The following TRDN variants were observed in gnomAD, a reference collection of about 807,000 sequenced individuals.
The protein encoded by TRDN is triadin in skeletal muscle.
Under a neutral mutation model 149.7 loss-of-function variants are expected in TRDN, and 161 were observed. The ratio of observed to expected loss-of-function variants is 1.08; its 90% CI spans 0.95 to 1.23. TRDN has a LOEUF of 1.23. TRDN is among the 50% of genes most tolerant of loss of function. The pLI is 0.00. For missense variants in TRDN, 896 were observed against 823.5 expected (o/e 1.09, Z -1.08); for synonymous variants, 294 against 250.5 (o/e 1.17, Z -1.64).
chr6:123,445,642 C>T (rs12207239), intron 10 of TRDN, among the ~76,000 whole-genome samples: 8,880 of 78,832 alleles, frequency 0.11, 298 homozygotes, highest in South Asian at 0.2. Context: ...AAAATGCTCA[C>T]CATCACTGGC....
rs369530849 is a variant in TRDN at position 123,361,460 on chromosome 6, G to A, written c.1321+4675C>T. 1.6e-3 allele frequency among the ~76,000 whole-genome samples: 236 copies of A among 152,050 alleles called. 6 individuals are homozygous for A. The South Asian group carries it at 0.048, about 31-fold the overall frequency. The stretch of plus-strand genomic sequence containing the variant: ...TGGGTTCAGCAAACCACCATGGCAT[G>A]TGTATACCCATGTAACAAAACACGT... On this transcript the variant is annotated intron_variant, in intron 20 of 40. Transcript: ENST00000334268.
intron 1 of TRDN, among the ~76,000 whole-genome samples, chr6:123,587,658 A>G (rs915517485): frequency 1.3e-5 from 2 of 152,068 alleles, no homozygotes; most frequent in African/African-American, 4.8e-5. Context: ...TGAGCAATAA[A>G]GCTGTTTATT....
chr6:123,256,548 A>G lies in TRDN; in HGVS notation c.1871-646T>C, dbSNP rs1776569612. Among the ~76,000 whole-genome samples, 4 of 151,960 alleles carry G rather than the reference A, an allele frequency of 2.6e-5. No individual in the cohort carries two copies. In the South Asian group the frequency reaches 8.3e-4, roughly 32 times the overall value. On this transcript the variant is annotated intron_variant, in intron 35 of 40. Coordinates refer to ENST00000334268, the MANE Select transcript of TRDN (RefSeq NM_006073.4). ...TCTAACTGGTGTGAGATGGTATCTC[A>G]GTGGTTTTGATTTGCATTTCTCTAG...
chr6:123,315,277 T>C (rs1404232028), intron 24 of TRDN, among the ~76,000 whole-genome samples: 1 of 151,982 alleles, frequency 6.6e-6, no homozygotes, highest in East Asian at 1.9e-4. Context: ...TTTGTAACTT[T>C]TGATGTAAAC....
rs543566360 is a variant in TRDN, at chr6:123,503,112, A to G, written c.793+607T>C. ...ATCACTCTTGCTGAAGAATGGCGAA[A>G]TATGTCACATTCAGAGCTTTCTAAA... On this transcript the variant is annotated intron_variant, in intron 8 of 40. Transcript: ENST00000334268. 27 of 985,378 alleles carry G rather than the reference A, an allele frequency of 2.7e-5. No homozygotes were observed. The African/African-American group carries it at 4.2e-4, about 15-fold the overall frequency. The allele number at this position is 985,378 out of a possible 1,614,324, so 61.0% of individuals were successfully genotyped here. A position where few individuals can be genotyped will look rare whatever the true frequency, so the allele number is the denominator to read the frequency against.
intron 10 of TRDN, among the ~76,000 whole-genome samples, chr6:123,447,754 C>G (rs1484308775): frequency 6.8e-6 from 1 of 148,020 alleles, no homozygotes; most frequent in Non-Finnish European, 1.5e-5. Context: ...GTCTGGGCCA[C>G]AGAGTGAGAT....
intron 8 of TRDN, among the ~76,000 whole-genome samples, chr6:123,498,893 A>G (rs1007737441): frequency 1.3e-5 from 2 of 152,076 alleles, no homozygotes; most frequent in Non-Finnish European, 2.9e-5. Context: ...TTCTGCCTAT[A>G]CTCTAGGAGT....
rs935272119 is a variant in TRDN, at chr6:123,444,107, G to A, written c.932-5104C>T. On this transcript the variant is annotated intron_variant, in intron 10 of 40. Coordinates refer to ENST00000334268, the MANE Select transcript of TRDN (RefSeq NM_006073.4). ...TGGCATTGAATCTGTAAATTACCTT[G>A]GGCAGTATGGCCATTTTCATGATAT... Among the ~76,000 whole-genome samples, 2 of 146,164 alleles carry A rather than the reference G, an allele frequency of 1.4e-5. 1 individual carries two copies. Among genetic ancestry groups the A allele is most frequent in the African/African-American group, 5.4e-5 (2 of 37,092 alleles).
At chr6:123,410,670 A>C (rs1481743182) in intron 12 of TRDN, among the ~76,000 whole-genome samples, 2 of 152,148 alleles carry the variant, frequency 1.3e-5, no homozygotes, top group Non-Finnish European at 2.9e-5. Context: ...AGTTTTACTA[A>C]AATGATAGTG....
intron 1 of TRDN, among the ~76,000 whole-genome samples, chr6:123,587,615 G>A (rs1050878170): frequency 1.2e-4 from 18 of 152,018 alleles, no homozygotes; most frequent in East Asian, 3.9e-4. Flanking sequence ...TTTCATGTGC[G>A]TCCGTGTGAA....
chr6:123,617,022 C>T (rs1165466665), intron 1 of TRDN, among the ~76,000 whole-genome samples: 1 of 152,158 alleles, frequency 6.6e-6, no homozygotes, highest in Non-Finnish European at 1.5e-5. Context: ...ACAGAGTGAT[C>T]ACACATCCTT....
intron 10 of TRDN, among the ~76,000 whole-genome samples, chr6:123,448,612 T>A (rs1476556989): frequency 6.6e-6 from 1 of 151,896 alleles, no homozygotes; most frequent in East Asian, 1.9e-4. Flanking sequence ...GCCCAGACAT[T>A]CCTAGCCCTG....
At chr6:123,583,559 G>A (rs1783248999) in intron 1 of TRDN, among the ~76,000 whole-genome samples, 1 of 148,790 alleles carries the variant, frequency 6.7e-6, no homozygotes, top group African/African-American at 2.5e-5. Context: ...GGGATATAAA[G>A]GTTTCACTGA....
chr6:123,220,396 A>C (rs1440208808), intron 40 of TRDN, among the ~76,000 whole-genome samples: 2 of 151,886 alleles, frequency 1.3e-5, no homozygotes, highest in East Asian at 3.9e-4. Flanking sequence ...TATGTGACAT[A>C]GCCACAAATT....
chr6:123,252,820 T>A (rs1167661493), intron 37 of TRDN, among the ~76,000 whole-genome samples: 2 of 152,094 alleles, frequency 1.3e-5, no homozygotes, highest in African/African-American at 4.8e-5. Context: ...CTATTTTATC[T>A]AAGAAAATAT....
At chr6:123,392,699 GACA>G (rs1772539203) in intron 13 of TRDN, among the ~76,000 whole-genome samples, 1 of 151,910 alleles carries the variant, frequency 6.6e-6, no homozygotes, top group East Asian at 1.9e-4. Flanking sequence ...TTTGCTCACA[GACA>G]ACATCCTCGA....
At chr6:123,412,573 G>A (rs1409736814) in intron 12 of TRDN, among the ~76,000 whole-genome samples, 4 of 152,074 alleles carry the variant, frequency 2.6e-5, no homozygotes, top group Non-Finnish European at 5.9e-5. Context: ...TTTCATTGTG[G>A]TATAGCTGCC....
At chr6:123,333,519 C>A (rs964287097) in intron 22 of TRDN, among the ~76,000 whole-genome samples, 3 of 152,022 alleles carry the variant, frequency 2.0e-5, no homozygotes, top group Non-Finnish European at 4.4e-5. Context: ...AAGATGCCTT[C>A]GGTTCCTAGG....
chr6:123,255,975 A>G (rs1776543221), intron 35 of TRDN, 73 bp from the exon 36 acceptor site: 1 of 895,176 alleles, frequency 1.1e-6, no homozygotes. Flanking sequence ...GTTCTGGGAT[A>G]CATGTGCAGA....
Sources: gnomAD v4.1 joint callset for allele counts (sites outside exome capture counted in the v4.1 genomes callset) on GRCh38, gnomAD v4.1.1 for gene constraint, MANE v1.5 for transcripts, NCBI Gene and HGNC (gene_info 2026-07-23, HGNC 2026-07-21) for gene names.